The following SHC3 variants were observed in gnomAD, a reference collection of about 807,000 sequenced individuals.
SHC3 encodes SHC-transforming protein 3.
A neutral mutation model predicts 60.4 loss-of-function variants in SHC3; 15 were observed. The observed-to-expected ratio is 0.25, with a 90% CI of 0.17 to 0.38. The LOEUF is 0.38. SHC3 is among the 10% of genes least tolerant of loss of function. The pLI is 1.00. For synonymous variants in SHC3, 294 were observed against 325.9 expected, an observed-to-expected ratio of 0.90 and a Z score of 1.05; for missense variants, 677 against 786.1, an observed-to-expected ratio of 0.86 and a Z score of 1.66.
intron 1 of SHC3, among the ~76,000 whole-genome samples, chr9:89,160,486 A>T (rs980079121): frequency 1.3e-5 from 2 of 152,204 alleles, no homozygotes; most frequent in Non-Finnish European, 2.9e-5. Flanking sequence ...CCTCTTTAAC[A>T]ACCTGCAATA....
intron 2 of SHC3, among the ~76,000 whole-genome samples, chr9:89,084,308 T>C (rs535402006): frequency 2.6e-5 from 4 of 152,320 alleles, no homozygotes; most frequent in Non-Finnish European, 4.4e-5. Context: ...CACACAGGGG[T>C]AAATAAATAC....
intron 1 of SHC3, among the ~76,000 whole-genome samples, chr9:89,138,746 T>G (rs912926760): frequency 6.6e-6 from 1 of 152,142 alleles, no homozygotes; most frequent in Non-Finnish European, 1.5e-5. Context: ...CCCTTAATCC[T>G]AAGGGTTGCG....
At chr9:89,113,521 A>G (rs1040202246) in intron 1 of SHC3, among the ~76,000 whole-genome samples, 4 of 152,148 alleles carry the variant, frequency 2.6e-5, no homozygotes, top group East Asian at 1.9e-4. Flanking sequence ...CTGCATTTGA[A>G]TTATTTAGAA....
intron 11 of SHC3, among the ~76,000 whole-genome samples, chr9:89,030,429 A>G (rs187861356): frequency 2.3e-4 from 35 of 152,376 alleles, no homozygotes; most frequent in African/African-American, 6.7e-4. Flanking sequence ...ATACATGCTA[A>G]CCTATTTGAT....
chr9:89,170,738 G>C (rs1826857422), intron 1 of SHC3, among the ~76,000 whole-genome samples: 1 of 152,076 alleles, frequency 6.6e-6, no homozygotes, highest in Non-Finnish European at 1.5e-5. Context: ...ATAAAAATAA[G>C]AATACAAAAA....
chr9:89,168,201 C>T (rs1256999410), intron 1 of SHC3, among the ~76,000 whole-genome samples: 1 of 152,218 alleles, frequency 6.6e-6, no homozygotes, highest in Non-Finnish European at 1.5e-5. Context: ...CACGGTGGCT[C>T]ACGCCTGTAA....
intron 5 of SHC3, among the ~76,000 whole-genome samples, chr9:89,068,186 A>G (rs896990449): frequency 1.3e-5 from 2 of 152,128 alleles, no homozygotes; most frequent in African/African-American, 4.8e-5. Flanking sequence ...TCTATTCTAT[A>G]CCTGTTCCCA....
At chr9:89,061,868 C>G (rs890664293) in intron 6 of SHC3, among the ~76,000 whole-genome samples, 7 of 152,094 alleles carry the variant, frequency 4.6e-5, no homozygotes, top group African/African-American at 1.7e-4. Flanking sequence ...GTAGCTGACT[C>G]AGTTATCAGA....
chr9:89,030,796 C>T (rs960189833), intron 11 of SHC3, among the ~76,000 whole-genome samples: 3 of 152,202 alleles, frequency 2.0e-5, no homozygotes, highest in Admixed American at 1.3e-4. Context: ...TTCCGTTTTT[C>T]CTCCATACCA....
chr9:89,176,294 G>A (rs1469639252), intron 1 of SHC3, among the ~76,000 whole-genome samples: 1 of 152,188 alleles, frequency 6.6e-6, no homozygotes, highest in Non-Finnish European at 1.5e-5. Flanking sequence ...TCTTATTTTC[G>A]TACATTCATC....
Position 89,038,244 on chromosome 9 carries a change from A to T in SHC3, c.1405T>A (p.Leu469Ile), listed in dbSNP as rs1274882263. ...ALKNQPLGPV[L>I]SKAASVECIS... is the part of the protein sequence containing the mutation. ...CACTCCACGGAGGCTGCCTTGCTTA[A>T]CACGGGCCCCAAGGGCTGGTTCTTG... The change falls in exon 11 of 12, where the codon TTA (leucine) becomes ATA (isoleucine). Residue 469 changes from leucine to isoleucine, a missense_variant. By Grantham distance (5) the Leu-to-Ile change is conservative. Coordinates refer to ENST00000375835, the MANE Select transcript of SHC3 (RefSeq NM_016848.6). The T allele has an allele frequency of 6.2e-7, 1 of 1,613,832 alleles. No homozygotes were observed. Among genetic ancestry groups the T allele is most frequent in the Non-Finnish European group, 8.5e-7 (1 of 1,179,974 alleles).
At chr9:89,132,797 A>G (rs1388610172) in intron 1 of SHC3, among the ~76,000 whole-genome samples, 2 of 152,238 alleles carry the variant, frequency 1.3e-5, no homozygotes, top group African/African-American at 4.8e-5. Flanking sequence ...ACCTAAAACC[A>G]TAAAAACCCT....
chr9:89,085,425 G>C (rs1825513300), intron 2 of SHC3, among the ~76,000 whole-genome samples: 1 of 152,224 alleles, frequency 6.6e-6, no homozygotes, highest in Non-Finnish European at 1.5e-5. Flanking sequence ...AGGCCAGTCT[G>C]TCTCCCGTGC....
At chr9:89,156,744 T>G (rs1024445350) in intron 1 of SHC3, among the ~76,000 whole-genome samples, 2 of 152,216 alleles carry the variant, frequency 1.3e-5, no homozygotes, top group Non-Finnish European at 2.9e-5. Context: ...GACTCAACTC[T>G]GATTGCTATT....
At chr9:89,033,746 T>C (rs1466346431) in intron 11 of SHC3, among the ~76,000 whole-genome samples, 2 of 152,218 alleles carry the variant, frequency 1.3e-5, no homozygotes, top group Non-Finnish European at 2.9e-5. Flanking sequence ...AAGAAATGAA[T>C]GTTTGTTTGT....
At chr9:89,149,106 C>T (rs1246609191) in intron 1 of SHC3, among the ~76,000 whole-genome samples, 1 of 152,152 alleles carries the variant, frequency 6.6e-6, no homozygotes, top group South Asian at 2.1e-4. Flanking sequence ...CAAGTGGCAT[C>T]GCTGTGTGCA....
intron 2 of SHC3, among the ~76,000 whole-genome samples, chr9:89,098,583 C>A (rs1355328614): frequency 6.6e-6 from 1 of 152,170 alleles, no homozygotes; most frequent in Non-Finnish European, 1.5e-5. Flanking sequence ...CCAAGGTGGG[C>A]AGATCAGTTG....
intron 2 of SHC3, among the ~76,000 whole-genome samples, chr9:89,099,334 A>C (rs893446500): frequency 6.6e-6 from 1 of 152,244 alleles, no homozygotes; most frequent in Admixed American, 6.5e-5. Flanking sequence ...AAGTGAAATA[A>C]GTTAAAGTTA....
chr9:89,076,887 C>G (rs191136215), intron 3 of SHC3, among the ~76,000 whole-genome samples: 1 of 152,106 alleles, frequency 6.6e-6, no homozygotes, highest in Admixed American at 6.5e-5. Flanking sequence ...TTTAAAAAAA[C>G]AGACAATAGG....
Sources: allele counts gnomAD v4.1 joint callset (sites outside exome capture counted in the v4.1 genomes callset), GRCh38; gene constraint gnomAD v4.1.1; transcripts MANE v1.5; gene names NCBI Gene and HGNC (gene_info 2026-07-23, HGNC 2026-07-21).